Variants in ANKS1B observed in about 807,000 individuals in gnomAD.
ANKS1B encodes ankyrin repeat and sterile alpha motif domain-containing protein 1B.
ANKS1B carries 36 observed loss-of-function variants against 148.3 expected under a neutral mutation model. The ratio of observed to expected loss-of-function variants is 0.24; its 90% CI spans 0.19 to 0.32. ANKS1B has a LOEUF of 0.32. Ranked by LOEUF, ANKS1B falls within the 10% of genes least tolerant of loss-of-function variation. ANKS1B has a pLI of 1.00. For missense variants in ANKS1B, 1,157 were observed against 1,542.6 expected, an observed-to-expected ratio of 0.75 and a Z score of 4.19; for synonymous variants, 542 against 560.8, an observed-to-expected ratio of 0.97 and a Z score of 0.47.
chr12:99,666,469 A>C (rs1455308534), intron 8 of ANKS1B, among the ~76,000 whole-genome samples: 2 of 152,114 alleles, frequency 1.3e-5, no homozygotes, highest in East Asian at 3.9e-4. Flanking sequence ...TTCCATCAAC[A>C]ATATTTTTAT....
At chr12:99,339,875 C>T (rs2089612167) in intron 12 of ANKS1B, among the ~76,000 whole-genome samples, 1 of 152,070 alleles carries the variant, frequency 6.6e-6, no homozygotes, top group South Asian at 2.1e-4. Context: ...CTGCGTCAGA[C>T]CATAGTAGTT....
intron 1 of ANKS1B, among the ~76,000 whole-genome samples, chr12:99,880,535 C>T (rs968562059): frequency 3.3e-5 from 5 of 152,250 alleles, no homozygotes; most frequent in Middle Eastern, 3.4e-3. Flanking sequence ...GATTTCAAAA[C>T]GACACTGCAA....
chr12:99,204,044 C>A (rs1012074580), intron 14 of ANKS1B, among the ~76,000 whole-genome samples: 1 of 147,948 alleles, frequency 6.8e-6, no homozygotes, highest in Non-Finnish European at 1.5e-5. Flanking sequence ...AAATATTGGA[C>A]GGTTGGTTGA....
intron 1 of ANKS1B, among the ~76,000 whole-genome samples, chr12:99,941,506 A>G (rs2094918702): frequency 1.3e-5 from 2 of 152,178 alleles, no homozygotes; most frequent in African/African-American, 4.8e-5. Flanking sequence ...AGATAAAATC[A>G]ATAGAACAAT....
chr12:99,937,850 T>C (rs1239789062), intron 1 of ANKS1B, among the ~76,000 whole-genome samples: 1 of 152,136 alleles, frequency 6.6e-6, no homozygotes, highest in Non-Finnish European at 1.5e-5. Flanking sequence ...TGGGTGATGG[T>C]AGCAAAGAGA....
chr12:99,463,622 T>C (rs1473076541), intron 10 of ANKS1B, among the ~76,000 whole-genome samples: 2 of 152,140 alleles, frequency 1.3e-5, no homozygotes, highest in African/African-American at 4.8e-5. Context: ...TAAAAAACGG[T>C]GCACCAGGAG....
chr12:99,817,610 G>A (rs1265469062), intron 2 of ANKS1B, among the ~76,000 whole-genome samples: 1 of 151,178 alleles, frequency 6.6e-6, no homozygotes, highest in Non-Finnish European at 1.5e-5. Context: ...CATTGTCATT[G>A]TACTAATTTA....
intron 1 of ANKS1B, among the ~76,000 whole-genome samples, chr12:99,833,030 A>G (rs2084282105): frequency 6.6e-6 from 1 of 152,238 alleles, no homozygotes; most frequent in Admixed American, 6.5e-5. Flanking sequence ...TAAGAAAGTT[A>G]CTATTACTAT....
Position 98,780,075 on chromosome 12 carries a change from CAA to C in ANKS1B, c.3441+1040_3441+1041del, listed in dbSNP as rs111944319. 8.6e-3 allele frequency among the ~76,000 whole-genome samples: 1,304 copies of C among 152,224 alleles called. 15 individuals carry two copies. Among genetic ancestry groups the C allele is most frequent in the African/African-American group, 0.03 (1,253 of 41,524 alleles). ...AGATGCTGGGGTTTAATAGAGACAC[CAA>C]AGAGTCACTGCCCGTGAGACTTTTC... is the stretch of plus-strand genomic sequence containing the variant. On this transcript the variant is annotated intron_variant, in intron 24 of 26. Transcript: ENST00000683438.
intron 9 of ANKS1B, among the ~76,000 whole-genome samples, chr12:99,577,774 T>C (rs2097532740): frequency 6.6e-6 from 1 of 152,024 alleles, no homozygotes; most frequent in African/African-American, 2.4e-5. Flanking sequence ...ACCAGATGGA[T>C]CCACCGCTGA....
chr12:99,617,070 T>C (rs2097974601), intron 9 of ANKS1B, among the ~76,000 whole-genome samples: 1 of 152,116 alleles, frequency 6.6e-6, no homozygotes, highest in African/African-American at 2.4e-5. Flanking sequence ...ATTAGAGAAA[T>C]GCAAATCAAA....
intron 17 of ANKS1B, among the ~76,000 whole-genome samples, chr12:98,994,616 A>C (rs2099928478): frequency 6.6e-6 from 1 of 152,110 alleles, no homozygotes; most frequent in Non-Finnish European, 1.5e-5. Context: ...GAGTGGCTTA[A>C]GTGATAGAAG....
At chr12:98,893,602 G>A (rs1325170234) in intron 17 of ANKS1B, 1 of 150,290 alleles carries the variant, frequency 6.7e-6, no homozygotes, top group Non-Finnish European at 1.5e-5. Context: ...AGATGCAGGA[G>A]TCCACAGAGC....
At chr12:99,482,160 A>G (rs1241639687) in intron 10 of ANKS1B, among the ~76,000 whole-genome samples, 1 of 151,898 alleles carries the variant, frequency 6.6e-6, no homozygotes, top group African/African-American at 2.4e-5. Context: ...TTACAGTTTC[A>G]TGTCATATAT....
intron 25 of ANKS1B, among the ~76,000 whole-genome samples, chr12:98,766,473 C>A (rs566956506): frequency 6.6e-6 from 1 of 152,280 alleles, no homozygotes; most frequent in South Asian, 2.1e-4. Context: ...AGAAGAGTAA[C>A]CAGGGAAAGT....
intron 1 of ANKS1B, among the ~76,000 whole-genome samples, chr12:99,959,227 A>ATTTTTTTTTTTTTTTTTTTTTTTTTT (rs71088166): frequency 2.0e-5 from 2 of 99,898 alleles, no homozygotes; most frequent in Non-Finnish European, 1.9e-5. Context: ...CACCCAGTTA[A>ATTTTTTTTTTTTTTTTTTTTTTTTTT]TTTTTTTTTT....
At chr12:99,384,463 A>T (rs1024188418) in intron 12 of ANKS1B, among the ~76,000 whole-genome samples, 7 of 152,192 alleles carry the variant, frequency 4.6e-5, no homozygotes, top group Admixed American at 4.6e-4. Flanking sequence ...TGCCATCTGT[A>T]TTATCTTGAA....
At position 99,717,674 on chromosome 12, in the gene ANKS1B, G is replaced by A. The variant is rs557611793; in HGVS notation, c.1128+55248C>T. ...TAGTGGCTGAAGACTGACACTGCCC[G>A]ATCGCCTTGGAAGCCCCCTAGACCA... On this transcript the variant is annotated intron_variant, in intron 8 of 26. Coordinates refer to ENST00000683438, the MANE Select transcript of ANKS1B (RefSeq NM_001352186.2). Among the ~76,000 whole-genome samples, 7 of 152,276 alleles carry A rather than the reference G, an allele frequency of 4.6e-5. No homozygotes were observed. The South Asian group carries it at 1.2e-3, about 27-fold the overall frequency.
In ANKS1B at chr12:99,032,006, A is replaced by G. The variant is rs78144897; in HGVS notation, c.2778+21151T>C. The stretch of plus-strand genomic sequence containing the variant: ...AATTCAATCCTAAATAGTTCTCTTT[A>G]TGCCTACTGTCAGGCAGGCCCTTCT... On this transcript the variant is annotated intron_variant, in intron 17 of 26. Transcript: ENST00000683438. 6.1e-3 allele frequency among the ~76,000 whole-genome samples: 927 copies of G among 152,318 alleles called. 9 individuals carry two copies. The highest frequency in any genetic ancestry group is 0.021 in the African/African-American group (886 of 41,556).
Sources: gnomAD v4.1 joint callset for allele counts (sites outside exome capture counted in the v4.1 genomes callset) on GRCh38, gnomAD v4.1.1 for gene constraint, MANE v1.5 for transcripts, NCBI Gene and HGNC (gene_info 2026-07-23, HGNC 2026-07-21) for gene names.